The following SEMA4D variants were observed in gnomAD, a reference collection of about 807,000 sequenced individuals.
The protein encoded by SEMA4D is semaphorin-4D.
In SEMA4D, 22 loss-of-function variants were observed where a neutral mutation model predicts 74.8. The ratio of observed to expected loss-of-function variants is 0.29; its 90% CI spans 0.21 to 0.42. SEMA4D has a LOEUF of 0.42. SEMA4D is among the 10% of genes least tolerant of loss of function. The pLI is 1.00. For synonymous variants in SEMA4D, 445 were observed against 463.7 expected (o/e 0.96, Z 0.52); for missense variants, 937 against 1,118.4 (o/e 0.84, Z 2.31).
intron 1 of SEMA4D, among the ~76,000 whole-genome samples, chr9:89,469,204 T>C (rs1445476107): frequency 2.0e-5 from 3 of 152,156 alleles, no homozygotes; most frequent in South Asian, 2.1e-4. Context: ...AATTTCTCAA[T>C]AACAACCAAC....
At chr9:89,469,358 A>AAACAT (rs753839157) in intron 1 of SEMA4D, among the ~76,000 whole-genome samples, 26,088 of 152,322 alleles carry the variant, frequency 0.17, no homozygotes, top group East Asian at 0.27. Context: ...AGAATTTTCC[A>AAACAT]GTAAAACTAA....
chr9:89,431,064 A>T (rs1416124928), intron 2 of SEMA4D, among the ~76,000 whole-genome samples: 1 of 152,234 alleles, frequency 6.6e-6, no homozygotes, highest in Non-Finnish European at 1.5e-5. Flanking sequence ...CCGGCAGTAC[A>T]ATCCACACAA....
intron 2 of SEMA4D, among the ~76,000 whole-genome samples, chr9:89,428,038 C>T (rs560670178): frequency 2.0e-5 from 3 of 152,200 alleles, no homozygotes; most frequent in Non-Finnish European, 2.9e-5. Context: ...GTGGACTCTG[C>T]CCTGTAGGCG....
chr9:89,464,006 G>A (rs1396560342), intron 1 of SEMA4D, among the ~76,000 whole-genome samples: 2 of 151,678 alleles, frequency 1.3e-5, no homozygotes, highest in African/African-American at 4.8e-5. Flanking sequence ...TGCAGTCATG[G>A]GGGCACTTTC....
At chr9:89,394,204 C>T (rs1050581351) in intron 6 of SEMA4D, among the ~76,000 whole-genome samples, 4 of 152,198 alleles carry the variant, frequency 2.6e-5, no homozygotes, top group Admixed American at 6.5e-5. Flanking sequence ...CAGGGGCTGG[C>T]GTTTCCATCT....
chr9:89,441,843 G>C (rs1201495511), intron 2 of SEMA4D, among the ~76,000 whole-genome samples: 1 of 152,186 alleles, frequency 6.6e-6, no homozygotes, highest in Non-Finnish European at 1.5e-5. Context: ...CTAAGTGAAA[G>C]GGAAGTCCAG....
At chr9:89,402,403 C>T (rs1377434123) in intron 4 of SEMA4D, among the ~76,000 whole-genome samples, 1 of 152,124 alleles carries the variant, frequency 6.6e-6, no homozygotes, top group Non-Finnish European at 1.5e-5. Context: ...CAAGCATCAT[C>T]CACAAGAGTC....
intron 2 of SEMA4D, among the ~76,000 whole-genome samples, chr9:89,431,365 C>A (rs548276629): frequency 1.2e-4 from 18 of 152,348 alleles, no homozygotes; most frequent in African/African-American, 4.3e-4. Context: ...CACCAAAATG[C>A]CAGAACTAAT....
At chr9:89,392,867 C>T (rs1422962868) in intron 7 of SEMA4D, among the ~76,000 whole-genome samples, 1 of 152,168 alleles carries the variant, frequency 6.6e-6, no homozygotes, top group Non-Finnish European at 1.5e-5. Flanking sequence ...GCTTGGACTA[C>T]AGGTGCGCGC....
chr9:89,437,774 G>A (rs547766435), intron 2 of SEMA4D, among the ~76,000 whole-genome samples: 27 of 152,330 alleles, frequency 1.8e-4, no homozygotes, highest in African/African-American at 6.5e-4. Flanking sequence ...TCTGAGCCTC[G>A]GAGATGAACA....
intron 2 of SEMA4D, among the ~76,000 whole-genome samples, chr9:89,410,750 C>G (rs1338420673): frequency 6.6e-6 from 1 of 152,130 alleles, no homozygotes; most frequent in East Asian, 1.9e-4. Context: ...TGAAAGGAAC[C>G]CGCCCACACC....
chr9:89,446,626 G>A (rs1852932081), intron 2 of SEMA4D, among the ~76,000 whole-genome samples: 2 of 152,192 alleles, frequency 1.3e-5, no homozygotes, highest in East Asian at 1.9e-4. Flanking sequence ...CCAGGGCTCC[G>A]AGGCTCCCTG....
intron 2 of SEMA4D, among the ~76,000 whole-genome samples, chr9:89,412,534 C>T (rs1443346119): frequency 6.6e-6 from 1 of 152,236 alleles, no homozygotes; most frequent in African/African-American, 2.4e-5. Flanking sequence ...AATCCAGACA[C>T]TGCCATGTAG....
intron 2 of SEMA4D, among the ~76,000 whole-genome samples, chr9:89,409,245 A>T: frequency 6.6e-6 from 1 of 152,244 alleles, no homozygotes; most frequent in East Asian, 1.9e-4. Context: ...GAAGACAGTA[A>T]AAAGATCAGT....
chr9:89,431,747 C>T (rs969189768), intron 2 of SEMA4D, among the ~76,000 whole-genome samples: 7 of 152,182 alleles, frequency 4.6e-5, no homozygotes, highest in Non-Finnish European at 1.0e-4. Flanking sequence ...ATCCTCCCAC[C>T]TTGGCCTCCC....
chr9:89,433,331 G>C (rs564576151), intron 2 of SEMA4D, among the ~76,000 whole-genome samples: 2 of 152,216 alleles, frequency 1.3e-5, no homozygotes, highest in African/African-American at 4.8e-5. Flanking sequence ...TCACTTCCAG[G>C]GGGGCCAGGC....
intron 1 of SEMA4D, among the ~76,000 whole-genome samples, chr9:89,459,988 CA>C (rs1387813720): frequency 1.3e-5 from 2 of 152,248 alleles, no homozygotes; most frequent in East Asian, 1.9e-4. Context: ...ACAACTGCTA[CA>C]AAAAAAGCCC....
At chr9:89,371,564 G>GTT (rs1250860012) in intron 16 of SEMA4D, among the ~76,000 whole-genome samples, 2 of 62,364 alleles carry the variant, frequency 3.2e-5, no homozygotes, top group African/African-American at 1.3e-4. Context: ...TGGTGTGTGG[G>GTT]GGGGGGTGTG....
chr9:89,465,470 G>C (rs914630649), intron 1 of SEMA4D, among the ~76,000 whole-genome samples: 1 of 152,360 alleles, frequency 6.6e-6, no homozygotes, highest in South Asian at 2.1e-4. Flanking sequence ...CTGGGGGAAT[G>C]GGGATGGATT....
Sources: allele counts gnomAD v4.1 joint callset (sites outside exome capture counted in the v4.1 genomes callset), GRCh38; gene constraint gnomAD v4.1.1; transcripts MANE v1.5; gene names NCBI Gene and HGNC (gene_info 2026-07-23, HGNC 2026-07-21).